SYNPR: variants seen among roughly 807,000 people sequenced by gnomAD.
SYNPR encodes synaptoporin.
Under a neutral mutation model 32.9 loss-of-function variants are expected in SYNPR, and 23 were observed. The ratio of observed to expected loss-of-function variants is 0.70; its 90% CI spans 0.50 to 0.99. SYNPR has a LOEUF of 0.99. SYNPR is among the 50% of genes least tolerant of loss of function. SYNPR has a pLI of 0.00. For missense variants in SYNPR, 318 were observed against 349.3 expected (o/e 0.91, Z 0.71); for synonymous variants, 146 against 135.9 (o/e 1.07, Z -0.52).
intron 2 of SYNPR, among the ~76,000 whole-genome samples, chr3:63,287,598 T>A (rs6793545): frequency 0.45 from 68,542 of 151,904 alleles, 15,587 homozygotes; most frequent in Middle Eastern, 0.51. Flanking sequence ...ACATCGGCAA[T>A]CTCCACCAAA....
intron 4 of SYNPR, among the ~76,000 whole-genome samples, chr3:63,581,225 G>A (rs1703084165): frequency 6.6e-6 from 1 of 152,138 alleles, no homozygotes; most frequent in African/African-American, 2.4e-5. Context: ...CTGTTCCAAA[G>A]CGATACTTCA....
chr3:63,272,529 G>A (rs1177586774), intron 3 of SYNPR, among the ~76,000 whole-genome samples: 1 of 137,446 alleles, frequency 7.3e-6, no homozygotes, highest in African/African-American at 2.8e-5. Flanking sequence ...TTTTTTTTTG[G>A]ATAAACATAG....
intron 1 of SYNPR, among the ~76,000 whole-genome samples, chr3:63,239,307 G>GACACCCA (rs2086220912): frequency 6.6e-6 from 1 of 151,484 alleles, no homozygotes; most frequent in Non-Finnish European, 1.5e-5. Flanking sequence ...TACTACCATT[G>GACACCCA]TCACCCATCC....
At chr3:63,277,145 A>T (rs1251554773), upstream of SYNPR, among the ~76,000 whole-genome samples, 1 of 151,938 alleles carries the variant, frequency 6.6e-6, no homozygotes, top group Non-Finnish European at 1.5e-5. Context: ...TTCTGATTTT[A>T]AAAAAATCAA....
chr3:63,573,806 G>A (rs1702932788), intron 4 of SYNPR, among the ~76,000 whole-genome samples: 1 of 152,132 alleles, frequency 6.6e-6, no homozygotes, highest in African/African-American at 2.4e-5. Flanking sequence ...GAATTTTCTT[G>A]TCATCATTTA....
intron 2 of SYNPR, among the ~76,000 whole-genome samples, chr3:63,253,306 T>C (rs1160934958): frequency 1.3e-5 from 2 of 152,038 alleles, no homozygotes; most frequent in Non-Finnish European, 2.9e-5. Context: ...ATATAGTAAC[T>C]ACAAAACATG....
intron 2 of SYNPR, among the ~76,000 whole-genome samples, chr3:63,319,531 T>G (rs1575597135): frequency 7.1e-6 from 1 of 141,496 alleles, no homozygotes; most frequent in Non-Finnish European, 1.5e-5. Flanking sequence ...GCAACTAATA[T>G]TAATAAGATA....
chr3:63,252,662 C>T (rs910052681), intron 2 of SYNPR: 1 of 152,156 alleles, frequency 6.6e-6, no homozygotes, highest in Non-Finnish European at 1.5e-5. Context: ...CAAAATCCTG[C>T]GTTTTCATAC....
chr3:63,204,558 T>C, the SYNPR span, among the ~76,000 whole-genome samples: 3 of 152,250 alleles, frequency 2.0e-5, no homozygotes, highest in African/African-American at 4.8e-5. Flanking sequence ...TTTAGAGGGA[T>C]ACAGTTCAAC....
chr3:63,476,168 AGGG>A (rs1559510480), intron 2 of SYNPR, among the ~76,000 whole-genome samples: 20 of 28,194 alleles, frequency 7.1e-4, no homozygotes, highest in South Asian at 2.0e-3. Flanking sequence ...GGAGGGAGGG[AGGG>A]AGGGAAGGAA....
At chr3:63,285,876 G>T (rs956610714) in intron 2 of SYNPR, among the ~76,000 whole-genome samples, 3 of 152,098 alleles carry the variant, frequency 2.0e-5, no homozygotes, top group Admixed American at 6.6e-5. Context: ...TCCAAGTAAG[G>T]TACCTTGCTT....
chr3:63,601,746 G>A (rs1322425233), intron 4 of SYNPR, among the ~76,000 whole-genome samples: 2 of 151,878 alleles, frequency 1.3e-5, no homozygotes, highest in Non-Finnish European at 2.9e-5. Context: ...AGCTAGTGTA[G>A]GTTGATTCCA....
At chr3:63,443,180 G>T (rs997306403) in intron 2 of SYNPR, 1 of 1,244,936 alleles carries the variant, frequency 8.0e-7, no homozygotes, top group African/African-American at 1.5e-5. Flanking sequence ...CCAGAGGGGA[G>T]TATCAGGTTC....
intron 3 of SYNPR, among the ~76,000 whole-genome samples, chr3:63,508,712 A>G (rs1701637488): frequency 6.6e-6 from 1 of 152,148 alleles, no homozygotes; most frequent in Non-Finnish European, 1.5e-5. Context: ...AGGGTGGAAC[A>G]TAACCATTCT....
chr3:63,590,853 C>A (rs1263026963), intron 4 of SYNPR, among the ~76,000 whole-genome samples: 1 of 138,962 alleles, frequency 7.2e-6, no homozygotes. Flanking sequence ...CATAAAAACC[C>A]TAGAAGAAAA....
chr3:63,570,968 A>AT (rs1702875344), intron 4 of SYNPR, among the ~76,000 whole-genome samples: 2 of 152,316 alleles, frequency 1.3e-5, no homozygotes, highest in South Asian at 4.1e-4. Context: ...AGAAACATAT[A>AT]AAAGAACCCC....
At chr3:63,256,232 A>G (rs1304721605) in intron 2 of SYNPR, among the ~76,000 whole-genome samples, 1 of 152,226 alleles carries the variant, frequency 6.6e-6, no homozygotes, top group Non-Finnish European at 1.5e-5. Context: ...TGGTTCTCCC[A>G]GCACGCAGCT....
At chr3:63,314,629 T>C (rs145427723) in intron 2 of SYNPR, among the ~76,000 whole-genome samples, 1 of 152,186 alleles carries the variant, frequency 6.6e-6, no homozygotes, top group African/African-American at 2.4e-5. Context: ...TATTAGCCTT[T>C]TGTCAGATGA....
intron 1 of SYNPR, among the ~76,000 whole-genome samples, chr3:63,243,185 C>G (rs1247135529): frequency 6.6e-6 from 1 of 151,760 alleles, no homozygotes; most frequent in Non-Finnish European, 1.5e-5. Flanking sequence ...CCAGAATTGA[C>G]AAAAGTAATC....
Sources: gnomAD v4.1 joint callset for allele counts (sites outside exome capture counted in the v4.1 genomes callset) on GRCh38, gnomAD v4.1.1 for gene constraint, MANE v1.5 for transcripts, NCBI Gene and HGNC (gene_info 2026-07-23, HGNC 2026-07-21) for gene names.